Variants in CYP2F1 observed in about 807,000 individuals in gnomAD.
CYP2F1 encodes cytochrome P450 2F1.
A neutral mutation model predicts 40.4 loss-of-function variants in CYP2F1; 33 were observed. The ratio of observed to expected loss-of-function variants is 0.82; its 90% confidence interval spans 0.62 to 1.09. CYP2F1 has a LOEUF of 1.09. Ranked by LOEUF, CYP2F1 falls within the 50% of genes least tolerant of loss-of-function variation. CYP2F1 has a pLI of 0.00. For missense variants in CYP2F1, 566 were observed against 655.7 expected (o/e 0.86, Z 1.49); for synonymous variants, 235 against 277.2 (o/e 0.85, Z 1.51).
Position 41,122,950 on chromosome 19 carries a change from C to T in CYP2F1, c.951C>T (p.Tyr317=). The T allele has an allele frequency of 6.2e-7, 1 of 1,613,238 alleles. No individual in the cohort carries two copies. Among genetic ancestry groups the T allele is most frequent in the Non-Finnish European group, 8.5e-7 (1 of 1,179,606 alleles). The change falls in exon 7 of 10, where the codon TAC becomes TAT. Residue 317 remains tyrosine, a synonymous_variant. Transcript: ENST00000331105. ...LHHAFLALMK[Y]PKVQARVQEE... ...ACGCCTTCCTGGCACTCATGAAGTA[C>T]CCAAAAGTTCAAGGTGAGGCCCACC...
chr19:41,121,496 G>A lies in CYP2F1; in HGVS notation c.523G>A (p.Val175Met). Residue 175 changes from valine (V) to methionine (M), a missense_variant, in exon 5 of 10, where the codon GTG becomes ATG. Val to Met is a conservative substitution (Grantham distance 21, BLOSUM62 1). This residue lies in a region of CYP2F1 where 264 missense variants were observed against 275.7 expected (regional missense o/e 0.96). Transcript: ENST00000331105. The stretch of plus-strand genomic sequence containing the variant: ...CCCCACGTTTGTGCTGAGTCGCTCA[G>A]TGTCCAACATTATCTGTTCCGTGCT... ...FDPTFVLSRS[V>M]SNIICSVLFG... 1.2e-6 allele frequency: 2 copies of A among 1,608,734 alleles called. 1 individual carries two copies. The highest frequency in any genetic ancestry group is 1.7e-6 in the Non-Finnish European group (2 of 1,179,470).
intron 7 of CYP2F1, 178 bp downstream of exon 7, chr19:41,123,141 A>C (rs1414440577): frequency 1.3e-6 from 1 of 743,528 alleles, no homozygotes. Context: ...CATGAGGTCC[A>C]TGCAGCCTGC....
chr19:41,119,748 T>TATATATATATATATATATATACAC (rs1337166345), intron 3 of CYP2F1, among the ~76,000 whole-genome samples: 1 of 36,104 alleles, frequency 2.8e-5, no homozygotes, highest in Non-Finnish European at 4.9e-5. Flanking sequence ...TATATATATA[T>TATATATATATATATATATATACAC]ACACACACAC....
At chr19:41,117,983 G>C (rs1317275028) in intron 3 of CYP2F1, among the ~76,000 whole-genome samples, 1 of 151,998 alleles carries the variant, frequency 6.6e-6, no homozygotes, top group East Asian at 1.9e-4. Context: ...CTGAGTAGCT[G>C]GGACTACAGA....
intron 6 of CYP2F1, 108 bp downstream of exon 6, chr19:41,122,241 C>G (rs1335575020): frequency 3.0e-5 from 32 of 1,074,284 alleles, no homozygotes; most frequent in Non-Finnish European, 4.0e-5. Flanking sequence ...GGGACCTTCT[C>G]CCTGGAGAAG....
intron 4 of CYP2F1, 21 bp downstream of exon 4, chr19:41,120,517 G>C (rs372833937): frequency 1.2e-6 from 2 of 1,606,388 alleles, no homozygotes; most frequent in Non-Finnish European, 1.7e-6. Flanking sequence ...TTTTTTAACA[G>C]GCTGGATGGC....
At chr19:41,116,151 C>T (rs1321403110) in intron 1 of CYP2F1, 27 bp from the exon 2 acceptor site, 2 of 1,572,224 alleles carry the variant, frequency 1.3e-6, no homozygotes, top group South Asian at 2.3e-5. Context: ...GATGTCCTCT[C>T]CCACTTTGCC....
chr19:41,121,385 A>G, intron 4 of CYP2F1, 73 bp from the exon 5 acceptor site: 1 of 1,426,140 alleles, frequency 7.0e-7, no homozygotes, highest in Non-Finnish European at 9.6e-7. Context: ...TGTACAAATT[A>G]ATGGTGTTGC....
chr19:41,114,975 G>A (rs2031707033), intron 1 of CYP2F1, among the ~76,000 whole-genome samples: 1 of 151,568 alleles, frequency 6.6e-6, no homozygotes, highest in African/African-American at 2.4e-5. Context: ...TCACCATGTT[G>A]GCCAGGCTGG....
chr19:41,122,501 C>T (rs1464525811), intron 6 of CYP2F1, among the ~76,000 whole-genome samples: 2 of 151,656 alleles, frequency 1.3e-5, no homozygotes, highest in Non-Finnish European at 2.9e-5. Context: ...TACACACACA[C>T]ATACATACAT....
chr19:41,119,554 C>T lies in CYP2F1; in HGVS notation c.335-793C>T, dbSNP rs190364576. 1.9e-3 allele frequency among the ~76,000 whole-genome samples: 286 copies of T among 151,824 alleles called. 1 individual carries two copies. The highest frequency in any genetic ancestry group is 3.5e-3 in the Non-Finnish European group (237 of 67,902). ...ACGAGGTCAGGAGATCGAGACCATC[C>T]TTGCCATGCCTGTAATCCCAGCTAC... On this transcript the variant is annotated intron_variant, in intron 3 of 9. Coordinates refer to ENST00000331105, the MANE Select transcript of CYP2F1 (RefSeq NM_000774.5).
chr19:41,126,302 G>C (rs1465959709), intron 9 of CYP2F1, among the ~76,000 whole-genome samples: 1 of 151,736 alleles, frequency 6.6e-6, no homozygotes, highest in African/African-American at 2.4e-5. Context: ...GCACATGTTT[G>C]TAATCCCAGC....
chr19:41,120,252 GTC>G (rs2032108581), intron 3 of CYP2F1, 93 bp from the exon 4 acceptor site: 2 of 1,275,880 alleles, frequency 1.6e-6, no homozygotes, highest in African/African-American at 1.5e-5. Context: ...TCCAAACTCT[GTC>G]TCTCTCCCAG....
Position 41,121,503 on chromosome 19 carries a change from A to C in CYP2F1, c.530A>C (p.Asn177Thr), listed in dbSNP as rs140643766. The change falls in exon 5 of 10, where the codon AAC becomes ACC. Residue 177 changes from asparagine to threonine, a missense_variant. Around this residue, in one of 5 missense-constraint regions of CYP2F1, gnomAD observed 264 missense variants for 275.7 expected, o/e 0.96. Transcript: ENST00000331105. Reference protein sequence around the residue: ...PTFVLSRSVSNIICSVLFGSR... With the variant: ...PTFVLSRSVSTIICSVLFGSR... ...TTTGTGCTGAGTCGCTCAGTGTCCA[A>C]CATTATCTGTTCCGTGCTCTTCGGC... The C allele has an allele frequency of 6.6e-4, 1,065 of 1,609,820 alleles. 67 individuals carry two copies. The East Asian group carries it at 0.019, about 29-fold the overall frequency.
chr19:41,121,094 T>C lies in CYP2F1; in HGVS notation c.485-364T>C, dbSNP rs1028291020. 3.0e-4 allele frequency among the ~76,000 whole-genome samples: 46 copies of C among 152,212 alleles called. 1 individual carries two copies. Among genetic ancestry groups the C allele is most frequent in the African/African-American group, 8.9e-4 (37 of 41,534 alleles). ...GGTCACTGCGTGTCGTGTGTTGGCA[T>C]GTACTGTGATCGTATTTGCTGGGTG... On this transcript the variant is annotated intron_variant, in intron 4 of 9. Transcript: ENST00000331105.
At chr19:41,122,483 C>T (rs1377020262) in intron 6 of CYP2F1, among the ~76,000 whole-genome samples, 2 of 151,960 alleles carry the variant, frequency 1.3e-5, no homozygotes, top group Admixed American at 1.3e-4. Flanking sequence ...CATACGTACA[C>T]ACATACATAC....
At position 41,122,956 on chromosome 19, in the gene CYP2F1, A is replaced by G; in HGVS notation, c.957A>G (p.Lys319=). 12 of 1,613,044 alleles carry G rather than the reference A, an allele frequency of 7.4e-6. No individual in the cohort carries two copies. Among genetic ancestry groups the G allele is most frequent in the Non-Finnish European group, 1.0e-5 (12 of 1,179,568 alleles). Residue 319 remains lysine, a synonymous_variant, in exon 7 of 10, where the codon AAA becomes AAG. Transcript: ENST00000331105. ...HAFLALMKYP[K]VQARVQEEID... The stretch of plus-strand genomic sequence containing the variant: ...TCCTGGCACTCATGAAGTACCCAAA[A>G]GTTCAAGGTGAGGCCCACCCACACA...
chr19:41,127,963 A>G lies in CYP2F1; in HGVS notation c.1357A>G (p.Ile453Val). Reference protein sequence around the residue: ...RMELFLYLTAILQSFSLQPLG... With the variant: ...RMELFLYLTAVLQSFSLQPLG... ...GGAGCTCTTTCTGTACCTCACCGCC[A>G]TCCTGCAGAGCTTTTCGCTGCAGCC... is the stretch of plus-strand genomic sequence containing the variant. Residue 453 changes from isoleucine (I) to valine (V), a missense_variant, in exon 10 of 10, where the codon ATC becomes GTC. Physicochemically the swap from Ile to Val is conservative, Grantham distance 29. This residue lies in a region of CYP2F1 where 85 missense variants were observed against 84.9 expected (regional missense o/e 1.00). Transcript: ENST00000331105. The G allele has an allele frequency of 1.9e-6, 3 of 1,613,412 alleles. No individual in the cohort carries two copies. The highest frequency in any genetic ancestry group is 2.5e-6 in the Non-Finnish European group (3 of 1,179,972).
Position 41,116,192 on chromosome 19 carries a change from G to A in CYP2F1, c.4G>A (p.Asp2Asn). The A allele has an allele frequency of 6.3e-7, 1 of 1,599,726 alleles. No homozygotes were observed. Among genetic ancestry groups the A allele is most frequent in the Middle Eastern group, 1.7e-4 (1 of 6,034 alleles). ...CACGCCAGCAGCTGCCTTCACCATG[G>A]ACAGCATAAGCACAGCCATCTTACT... M[D>N]SISTAILLLL... Residue 2 changes from aspartate to asparagine, a missense_variant, in exon 2 of 10, where the codon GAC becomes AAC. Physicochemically the swap from Asp to Asn is conservative, Grantham distance 23. Around this residue, in one of 5 missense-constraint regions of CYP2F1, gnomAD observed 264 missense variants for 275.7 expected, o/e 0.96. Transcript: ENST00000331105.
Sources: gnomAD v4.1 joint callset for allele counts (sites outside exome capture counted in the v4.1 genomes callset) on GRCh38, gnomAD v4.1.1 for gene constraint, gnomAD v4.1.1 regional missense constraint, MANE v1.5 for transcripts, NCBI Gene and HGNC (gene_info 2026-07-23, HGNC 2026-07-21) for gene names.